The following SPATS2L variants were observed in gnomAD, a reference collection of about 807,000 sequenced individuals.
SPATS2L encodes the protein spermatogenesis associated serine rich 2 like, also known as SPATS2-like protein.
Under a neutral mutation model 59.6 loss-of-function variants are expected in SPATS2L, and 30 were observed. That is an observed-to-expected ratio of 0.50 (90% CI 0.38 to 0.68). The LOEUF (loss-of-function observed/expected upper bound fraction) is 0.68, where lower values mean the gene tolerates loss of function less well. Ranked by LOEUF, SPATS2L falls within the 30% of genes least tolerant of loss-of-function variation. SPATS2L has a pLI of 0.00. For synonymous variants in SPATS2L, 252 were observed against 263.5 expected (o/e 0.96, Z 0.42); for missense variants, 615 against 700.0 (o/e 0.88, Z 1.37).
intron 6 of SPATS2L, among the ~76,000 whole-genome samples, chr2:200,435,162 C>G (rs556549212): frequency 6.6e-6 from 1 of 152,248 alleles, no homozygotes; most frequent in Admixed American, 6.5e-5. Flanking sequence ...TAAACCAGAG[C>G]TGATACACTG....
At chr2:200,428,697 C>T (rs751852973) in intron 6 of SPATS2L, among the ~76,000 whole-genome samples, 4 of 152,186 alleles carry the variant, frequency 2.6e-5, no homozygotes, top group Non-Finnish European at 5.9e-5. Context: ...CTCATCATCT[C>T]CCTTCCCAGT....
intron 8 of SPATS2L, among the ~76,000 whole-genome samples, chr2:200,445,764 G>GT (rs11355899): frequency 6.6e-6 from 1 of 151,308 alleles, no homozygotes; most frequent in Non-Finnish European, 1.5e-5. Context: ...ATGTTGATTG[G>GT]TTTTTTTTTT....
intron 8 of SPATS2L, among the ~76,000 whole-genome samples, chr2:200,443,870 C>T (rs1006139298): frequency 1.3e-5 from 2 of 152,104 alleles, no homozygotes; most frequent in African/African-American, 4.8e-5. Flanking sequence ...CTCTTCCAAC[C>T]GGGCTGTGAA....
intron 12 of SPATS2L, 49 bp from the exon 13 acceptor site, chr2:200,477,587 A>C: frequency 6.9e-7 from 1 of 1,448,602 alleles, no homozygotes; most frequent in Non-Finnish European, 9.1e-7. Flanking sequence ...TACTGGTGTC[A>C]TCAGTGGCTT....
rs546744841 is a variant in SPATS2L, at chr2:200,385,295, G to A, written c.-22-3928G>A. Among the ~76,000 whole-genome samples, 4 of 152,338 alleles carry A rather than the reference G, an allele frequency of 2.6e-5. No individual in the cohort carries two copies. The South Asian group carries it at 8.3e-4, about 32-fold the overall frequency. On this transcript the variant is annotated intron_variant, in intron 2 of 12. Transcript: ENST00000409140. ...CTAGAAGTCTGCACCTTAGAGGGCTGAGGCTTCACGTTGCTAAACCCTGGG... is the reference window on the plus strand; with the variant it reads ...CTAGAAGTCTGCACCTTAGAGGGCTAAGGCTTCACGTTGCTAAACCCTGGG...
chr2:200,440,854 T>A, intron 8 of SPATS2L, 70 bp downstream of exon 8: 1 of 1,534,826 alleles, frequency 6.5e-7, no homozygotes. Flanking sequence ...AAGTATCAGA[T>A]GGAAAACGTT....
At chr2:200,422,780 C>T (rs2083367651) in intron 6 of SPATS2L, among the ~76,000 whole-genome samples, 1 of 152,052 alleles carries the variant, frequency 6.6e-6, no homozygotes, top group Non-Finnish European at 1.5e-5. Context: ...CTGTACTATA[C>T]TATACTATGC....
intron 3 of SPATS2L, among the ~76,000 whole-genome samples, chr2:200,408,016 T>C (rs1488883667): frequency 1.3e-5 from 2 of 152,182 alleles, no homozygotes; most frequent in African/African-American, 4.8e-5. Flanking sequence ...TCACGTTGCC[T>C]ACCATCTGGG....
intron 1 of SPATS2L, 25 bp downstream of exon 1, chr2:200,306,947 C>T (rs1387862636): frequency 2.0e-6 from 2 of 982,572 alleles, no homozygotes; most frequent in East Asian, 1.2e-4. Flanking sequence ...CCCTCCACGC[C>T]GGGCCGGCTG....
chr2:200,306,918 C>CA lies in SPATS2L; in HGVS notation c.-76dup, dbSNP rs2079033869. The CA allele has an allele frequency of 1.0e-6, 1 of 981,878 alleles. No homozygotes were observed. The highest frequency in any genetic ancestry group is 1.2e-6 in the Non-Finnish European group (1 of 828,568). The allele number at this position is 981,878 out of a possible 1,614,324, so 60.8% of individuals were successfully genotyped here. On this transcript the variant is annotated 5_prime_UTR_variant, in exon 1 of 13. Coordinates refer to ENST00000409140, the MANE Select transcript of SPATS2L (RefSeq NM_001100423.2). ...GGGACGGAGGAGCCGGCGCTCGACACAGAGGTAAGCCCAGGACCCCCTCCA... is the reference window on the plus strand; with the variant it reads ...GGGACGGAGGAGCCGGCGCTCGACACAAGAGGTAAGCCCAGGACCCCCTCCA...
chr2:200,450,284 G>C (rs2085347830), intron 8 of SPATS2L, among the ~76,000 whole-genome samples: 1 of 152,198 alleles, frequency 6.6e-6, no homozygotes, highest in African/African-American at 2.4e-5. Context: ...TTCCAGAGTA[G>C]CATTTGGGAA....
At chr2:200,347,568 C>T (rs2080557558) in intron 2 of SPATS2L, among the ~76,000 whole-genome samples, 1 of 152,180 alleles carries the variant, frequency 6.6e-6, no homozygotes, top group Non-Finnish European at 1.5e-5. Flanking sequence ...GAACCCATAA[C>T]TGAGACACAT....
chr2:200,415,202 A>G (rs759144799), intron 4 of SPATS2L, among the ~76,000 whole-genome samples: 1 of 152,226 alleles, frequency 6.6e-6, no homozygotes, highest in Non-Finnish European at 1.5e-5. Flanking sequence ...TTTCAAGTAC[A>G]TGCAACTCAG....
chr2:200,321,541 T>C (rs2079559771), intron 1 of SPATS2L, among the ~76,000 whole-genome samples: 1 of 152,198 alleles, frequency 6.6e-6, no homozygotes, highest in Non-Finnish European at 1.5e-5. Flanking sequence ...TTCCTTGTCA[T>C]AAAATATTAT....
At chr2:200,364,096 G>T (rs1442435245) in intron 2 of SPATS2L, among the ~76,000 whole-genome samples, 1 of 152,162 alleles carries the variant, frequency 6.6e-6, no homozygotes, top group Non-Finnish European at 1.5e-5. Flanking sequence ...CTTTGAAGAT[G>T]GGGGAAGGAG....
intron 3 of SPATS2L, chr2:200,393,422 C>T (rs2082231890): frequency 2.3e-6 from 1 of 429,836 alleles, no homozygotes; most frequent in African/African-American, 2.0e-5. Context: ...ACAGTCATCC[C>T]ACTCCTCATG....
chr2:200,438,380 A>C (rs1170299936), intron 6 of SPATS2L, among the ~76,000 whole-genome samples: 1 of 152,184 alleles, frequency 6.6e-6, no homozygotes, highest in Non-Finnish European at 1.5e-5. Context: ...GTAAGATGTT[A>C]AGAGTGATAC....
At chr2:200,430,173 T>A (rs928223876) in intron 6 of SPATS2L, among the ~76,000 whole-genome samples, 3 of 152,182 alleles carry the variant, frequency 2.0e-5, no homozygotes, top group Non-Finnish European at 2.9e-5. Flanking sequence ...TGTCTTTCAT[T>A]ACCATTGTAT....
chr2:200,458,332 C>A (rs1000602765), intron 8 of SPATS2L, among the ~76,000 whole-genome samples: 1 of 152,046 alleles, frequency 6.6e-6, no homozygotes, highest in Admixed American at 6.5e-5. Flanking sequence ...TATAAATTTG[C>A]CATTTTAGAT....
Sources: allele counts gnomAD v4.1 joint callset (sites outside exome capture counted in the v4.1 genomes callset), GRCh38; gene constraint gnomAD v4.1.1; transcripts MANE v1.5; gene names NCBI Gene and HGNC (gene_info 2026-07-23, HGNC 2026-07-21).